The following LRFN5 variants were observed in gnomAD, a reference collection of about 807,000 sequenced individuals.
The protein encoded by LRFN5 is leucine rich repeat and fibronectin type III domain containing 5.
A neutral mutation model predicts 45.6 loss-of-function variants in LRFN5; 24 were observed. The observed-to-expected ratio is 0.53, with a 90% CI of 0.38 to 0.74. The LOEUF is 0.74. Among genes scored for constraint, LRFN5 ranks in the 30% least tolerant of loss-of-function variants. LRFN5 has a pLI of 0.00. For synonymous variants in LRFN5, 340 were observed against 313.8 expected, an observed-to-expected ratio of 1.08 and a Z score of -0.88; for missense variants, 776 against 861.5, an observed-to-expected ratio of 0.90 and a Z score of 1.24.
At chr14:41,718,534 A>G (rs1054134221) in intron 1 of LRFN5, among the ~76,000 whole-genome samples, 4 of 152,190 alleles carry the variant, frequency 2.6e-5, no homozygotes, top group African/African-American at 9.6e-5. Context: ...TCATGTTTTT[A>G]AAGATAAGAT....
chr14:41,681,270 T>G (rs1046128945), intron 1 of LRFN5, among the ~76,000 whole-genome samples: 2 of 152,160 alleles, frequency 1.3e-5, no homozygotes, highest in African/African-American at 4.8e-5. Context: ...AAGCAGGTTA[T>G]AGAACACCAA....
chr14:41,659,154 C>G (rs2138634178), intron 1 of LRFN5, among the ~76,000 whole-genome samples: 1 of 152,098 alleles, frequency 6.6e-6, no homozygotes, highest in East Asian at 1.9e-4. Context: ...CTGCACCCAT[C>G]AGCCCATCAT....
At chr14:41,840,115 C>T (rs1216660897) in intron 2 of LRFN5, among the ~76,000 whole-genome samples, 2 of 152,014 alleles carry the variant, frequency 1.3e-5, no homozygotes, top group East Asian at 3.9e-4. Flanking sequence ...GAAGATCATT[C>T]TTGTTAGACA....
chr14:41,636,237 A>G (rs1879302792), intron 1 of LRFN5, among the ~76,000 whole-genome samples: 1 of 152,176 alleles, frequency 6.6e-6, no homozygotes, highest in Admixed American at 6.6e-5. Context: ...GGTGGAGGCA[A>G]TGAGGAAATA....
At chr14:41,686,514 G>C (rs929584214) in intron 1 of LRFN5, among the ~76,000 whole-genome samples, 2 of 151,982 alleles carry the variant, frequency 1.3e-5, no homozygotes, top group Admixed American at 6.6e-5. Context: ...TTGAATAGGA[G>C]TGGTGAGAGA....
chr14:41,796,422 G>C (rs1450663595), intron 2 of LRFN5, among the ~76,000 whole-genome samples: 1 of 151,872 alleles, frequency 6.6e-6, no homozygotes, highest in Non-Finnish European at 1.5e-5. Flanking sequence ...ATTTTACATA[G>C]AGTTTCAGAT....
At chr14:41,876,147 A>T (rs180942236) in intron 2 of LRFN5, among the ~76,000 whole-genome samples, 218 of 152,098 alleles carry the variant, frequency 1.4e-3, no homozygotes, top group African/African-American at 5.2e-3. Flanking sequence ...ACCAGAAATC[A>T]TTTCTCCACC....
At chr14:41,851,918 A>G (rs1290324033) in intron 2 of LRFN5, among the ~76,000 whole-genome samples, 2 of 151,782 alleles carry the variant, frequency 1.3e-5, no homozygotes, top group East Asian at 3.9e-4. Context: ...AAGCTTTGGT[A>G]TAGAAACCAT....
At chr14:41,805,699 C>T (rs564430220) in intron 2 of LRFN5, among the ~76,000 whole-genome samples, 52 of 152,012 alleles carry the variant, frequency 3.4e-4, no homozygotes, top group African/African-American at 1.2e-3. Flanking sequence ...TGGAAATCAT[C>T]ATTCTCAGTA....
intron 1 of LRFN5, among the ~76,000 whole-genome samples, chr14:41,691,293 A>C (rs903877226): frequency 1.3e-5 from 2 of 151,870 alleles, no homozygotes; most frequent in Admixed American, 6.6e-5. Context: ...TATTCCTTAT[A>C]ATTTAAATTT....
At chr14:41,777,409 T>C (rs932405663) in intron 2 of LRFN5, among the ~76,000 whole-genome samples, 6 of 151,838 alleles carry the variant, frequency 4.0e-5, no homozygotes, top group Non-Finnish European at 8.9e-5. Context: ...TCACAAATGA[T>C]GCTTTTTGTG....
At chr14:41,676,260 G>A (rs924375892) in intron 1 of LRFN5, among the ~76,000 whole-genome samples, 10 of 152,188 alleles carry the variant, frequency 6.6e-5, no homozygotes, top group Middle Eastern at 6.3e-3. Context: ...GAAGACCAGG[G>A]GCTACTTCCC....
intron 1 of LRFN5, among the ~76,000 whole-genome samples, chr14:41,718,752 C>T (rs753711453): frequency 3.0e-4 from 46 of 152,184 alleles, no homozygotes; most frequent in Non-Finnish European, 1.0e-4. Context: ...CTAAATCTCA[C>T]CTGCCTTATT....
At chr14:41,729,396 C>G (rs1411084285) in intron 1 of LRFN5, among the ~76,000 whole-genome samples, 2 of 152,102 alleles carry the variant, frequency 1.3e-5, no homozygotes, top group Non-Finnish European at 2.9e-5. Context: ...GCAATAGAAG[C>G]AGATGCCAGC....
chr14:41,721,598 G>T (rs920241936), intron 1 of LRFN5, among the ~76,000 whole-genome samples: 3 of 151,674 alleles, frequency 2.0e-5, no homozygotes, highest in African/African-American at 7.3e-5. Flanking sequence ...TGCTTGACTA[G>T]AAAAAAAATG....
intron 2 of LRFN5, among the ~76,000 whole-genome samples, chr14:41,845,150 A>G (rs1594459722): frequency 8.6e-5 from 1 of 11,620 alleles, no homozygotes; most frequent in East Asian, 3.9e-3. Flanking sequence ...ACATGAGTAG[A>G]TAATAAATAT....
intron 1 of LRFN5, among the ~76,000 whole-genome samples, chr14:41,745,683 A>G (rs1178162235): frequency 6.6e-6 from 1 of 152,060 alleles, no homozygotes; most frequent in East Asian, 1.9e-4. Context: ...AAGAAATGAA[A>G]GTGGAGATGT....
intron 1 of LRFN5, among the ~76,000 whole-genome samples, chr14:41,639,949 A>ATTTTTT (rs34020254): frequency 1.6e-4 from 11 of 68,082 alleles, no homozygotes; most frequent in South Asian, 7.2e-4. Flanking sequence ...TGACTGGCTA[A>ATTTTTT]TTTTTTTTTT....
chr14:41,903,025 T>C (rs201969182), intron 5 of LRFN5, among the ~76,000 whole-genome samples: 5 of 151,700 alleles, frequency 3.3e-5, no homozygotes, highest in Middle Eastern at 3.6e-3. Flanking sequence ...AAAGTAATTC[T>C]TTTTTTACAA....
Sources: allele counts gnomAD v4.1 joint callset (sites outside exome capture counted in the v4.1 genomes callset), GRCh38; gene constraint gnomAD v4.1.1; transcripts MANE v1.5; gene names NCBI Gene and HGNC (gene_info 2026-07-23, HGNC 2026-07-21).